TMC1: variants seen among roughly 807,000 people sequenced by gnomAD.
TMC1 encodes transmembrane channel like 1.
TMC1 carries 84 observed loss-of-function variants against 105.8 expected under a neutral mutation model. That is an observed-to-expected ratio of 0.79 (90% CI 0.67 to 0.95). The LOEUF (loss-of-function observed/expected upper bound fraction) is 0.95. Among genes scored for constraint, TMC1 ranks in the 40% least tolerant of loss-of-function variants. TMC1 has a pLI of 0.00. For missense variants in TMC1, 817 were observed against 914.1 expected, an observed-to-expected ratio of 0.89 and a Z score of 1.37; for synonymous variants, 315 against 311.5, an observed-to-expected ratio of 1.01 and a Z score of -0.12.
intron 3 of TMC1, among the ~76,000 whole-genome samples, chr9:72,621,297 T>C (rs998410508): frequency 4.6e-5 from 7 of 152,196 alleles, no homozygotes; most frequent in African/African-American, 1.7e-4. Context: ...AGCAATGCTC[T>C]CAGGGGATCA....
intron 1 of TMC1, among the ~76,000 whole-genome samples, chr9:72,574,429 A>G (rs150486958): frequency 3.4e-4 from 52 of 152,374 alleles, no homozygotes; most frequent in Non-Finnish European, 7.2e-4. Context: ...AGCAAGGCCA[A>G]TATCTGAATA....
At chr9:72,543,794 G>C (rs1823717661) in intron 1 of TMC1, among the ~76,000 whole-genome samples, 1 of 151,970 alleles carries the variant, frequency 6.6e-6, no homozygotes, top group South Asian at 2.1e-4. Context: ...TAAGAGAAGG[G>C]TCTCTCTGTG....
intron 23 of TMC1, among the ~76,000 whole-genome samples, chr9:72,834,960 G>A (rs1829097712): frequency 6.6e-6 from 1 of 152,090 alleles, no homozygotes; most frequent in Non-Finnish European, 1.5e-5. Flanking sequence ...ACGTTTCAGA[G>A]ATTTTATGTG....
chr9:72,583,008 G>A (rs1463802657), intron 2 of TMC1, among the ~76,000 whole-genome samples: 2 of 152,120 alleles, frequency 1.3e-5, no homozygotes, highest in African/African-American at 4.8e-5. Flanking sequence ...ATCACTTGAG[G>A]TCAGGAGTTT....
chr9:72,754,978 C>A (rs1402017416), intron 12 of TMC1, 94 bp downstream of exon 12: 16 of 694,610 alleles, frequency 2.3e-5, no homozygotes, highest in African/African-American at 9.5e-5. Flanking sequence ...CTGGGTCAGG[C>A]TGAATGTCTT....
chr9:72,782,377 G>T (rs1356859778), intron 13 of TMC1, among the ~76,000 whole-genome samples: 2 of 152,122 alleles, frequency 1.3e-5, no homozygotes, highest in Non-Finnish European at 2.9e-5. Flanking sequence ...AAAGCTGGAA[G>T]CATTATCCTT....
At chr9:72,653,008 A>G (rs1825835906) in intron 5 of TMC1, among the ~76,000 whole-genome samples, 1 of 152,220 alleles carries the variant, frequency 6.6e-6, no homozygotes, top group Non-Finnish European at 1.5e-5. Context: ...ATGTTTTACT[A>G]TATATAAAGA....
At chr9:72,761,911 C>G (rs1047253342) in intron 12 of TMC1, among the ~76,000 whole-genome samples, 1 of 152,100 alleles carries the variant, frequency 6.6e-6, no homozygotes, top group Non-Finnish European at 1.5e-5. Context: ...AGAACTATTT[C>G]AGTGGTTCGA....
At chr9:72,639,891 C>T (rs376150412) in intron 4 of TMC1, among the ~76,000 whole-genome samples, 3 of 152,318 alleles carry the variant, frequency 2.0e-5, no homozygotes, top group East Asian at 3.9e-4. Context: ...TCTTTAGGCA[C>T]TACTTACCCC....
intron 2 of TMC1, among the ~76,000 whole-genome samples, chr9:72,596,111 G>A (rs994172864): frequency 2.0e-5 from 3 of 152,022 alleles, no homozygotes; most frequent in Admixed American, 1.3e-4. Context: ...TCCTGACCTC[G>A]TGATTTGCCC....
intron 8 of TMC1, among the ~76,000 whole-genome samples, chr9:72,733,018 G>T (rs1827239832): frequency 6.6e-6 from 1 of 152,132 alleles, no homozygotes; most frequent in South Asian, 2.1e-4. Context: ...CACACCTGGT[G>T]TGTGACAGAG....
In TMC1 at chr9:72,836,497, C is replaced by G. The variant is rs1462107045; in HGVS notation, c.*524C>G. The G allele has an allele frequency of 6.3e-6, 1 of 159,300 alleles. No homozygotes were observed. Among genetic ancestry groups the G allele is most frequent in the Non-Finnish European group, 1.4e-5 (1 of 72,234 alleles). 9.9% of individuals were successfully genotyped at this position (159,300 alleles called of 1,614,324 possible). A position where few individuals can be genotyped will look rare whatever the true frequency, so the allele number is the denominator to read the frequency against. On this transcript the variant is annotated 3_prime_UTR_variant, in exon 24 of 24. Coordinates refer to ENST00000297784, the MANE Select transcript of TMC1 (RefSeq NM_138691.3). ...TTTCTCTTTTTTTCTACCTGTCTCC[C>G]CAACCACGCGCCCCACAAATATATT...
At chr9:72,559,558 G>A (rs1384784364) in intron 1 of TMC1, among the ~76,000 whole-genome samples, 8 of 152,078 alleles carry the variant, frequency 5.3e-5, no homozygotes, top group Non-Finnish European at 8.8e-5. Context: ...GTTTCTCATC[G>A]GAGCTGTAGC....
chr9:72,798,308 G>A (rs369070046), intron 17 of TMC1, among the ~76,000 whole-genome samples: 59 of 152,226 alleles, frequency 3.9e-4, no homozygotes, highest in Admixed American at 1.6e-3. Flanking sequence ...GCAGTATGGC[G>A]ATTCCTCAAA....
intron 5 of TMC1, among the ~76,000 whole-genome samples, chr9:72,654,679 T>C (rs1825858748): frequency 6.6e-6 from 1 of 152,154 alleles, no homozygotes; most frequent in African/African-American, 2.4e-5. Context: ...TATTATAAAC[T>C]CTACAATCTA....
In TMC1 at chr9:72,752,904, A is replaced by G. The variant is rs138151673; in HGVS notation, c.642+948A>G. Among the ~76,000 whole-genome samples, 806 of 152,342 alleles carry G rather than the reference A, an allele frequency of 5.3e-3. 6 individuals carry two copies. The highest frequency in any genetic ancestry group is 7.8e-3 in the Admixed American group (119 of 15,298). The stretch of plus-strand genomic sequence containing the variant: ...TAAAGAGATTTGAGCTTTTAATAGT[A>G]CAAAGCACTTTCACTTCTTTTACTT... On this transcript the variant is annotated intron_variant, in intron 11 of 23. Coordinates refer to ENST00000297784, the MANE Select transcript of TMC1 (RefSeq NM_138691.3).
intron 8 of TMC1, among the ~76,000 whole-genome samples, chr9:72,722,042 G>A (rs1259708019): frequency 2.2e-4 from 33 of 152,120 alleles, no homozygotes; most frequent in Non-Finnish European, 8.8e-5. Flanking sequence ...ATGAGGTTTT[G>A]GAGAGGGACA....
chr9:72,821,502 C>CAAA (rs35069464), intron 20 of TMC1, among the ~76,000 whole-genome samples: 10,430 of 104,468 alleles, frequency 0.1, 430 homozygotes, highest in Non-Finnish European at 0.15. Context: ...AACTCTGTCT[C>CAAA]AAAAAAAAAA....
chr9:72,651,549 AG>A (rs1273541143), intron 5 of TMC1: 3 of 152,118 alleles, frequency 2.0e-5, no homozygotes, highest in Non-Finnish European at 4.4e-5. Context: ...AGCCATAGAA[AG>A]AAAGGGAACA....
Sources: allele counts gnomAD v4.1 joint callset (sites outside exome capture counted in the v4.1 genomes callset), GRCh38; gene constraint gnomAD v4.1.1; transcripts MANE v1.5; gene names NCBI Gene and HGNC (gene_info 2026-07-23, HGNC 2026-07-21).